Variants in RIPK2 observed in about 807,000 individuals in gnomAD.
The protein encoded by RIPK2 is receptor-interacting serine/threonine-protein kinase 2.
Under a neutral mutation model 60.9 loss-of-function variants are expected in RIPK2, and 38 were observed. The observed-to-expected ratio is 0.62, with a 90% confidence interval of 0.48 to 0.82. The LOEUF (loss-of-function observed/expected upper bound fraction) is 0.82, where lower values mean the gene tolerates loss of function less well. RIPK2 is among the 40% of genes least tolerant of loss of function. RIPK2 has a pLI of 0.00. For synonymous variants in RIPK2, 225 were observed against 223.4 expected (o/e 1.01, Z -0.06); for missense variants, 518 against 647.0 (o/e 0.80, Z 2.16).
intron 8 of RIPK2, among the ~76,000 whole-genome samples, chr8:89,786,262 G>C (rs759417247): frequency 1.3e-5 from 2 of 151,946 alleles, no homozygotes; most frequent in Non-Finnish European, 2.9e-5. Flanking sequence ...TCACTTGATC[G>C]CAGGAGTTTG....
Position 89,790,739 on chromosome 8 carries a change from G to T in RIPK2, c.*323G>T. Reference sequence around the variant, plus strand: ...CCATTTTCACATTCATGTTCTTCATGGATTATTTGTTACTTGTCTAAGATG... The same window carrying T: ...CCATTTTCACATTCATGTTCTTCATTGATTATTTGTTACTTGTCTAAGATG... On this transcript the variant is annotated 3_prime_UTR_variant, in exon 11 of 11. Coordinates refer to ENST00000220751, the MANE Select transcript of RIPK2 (RefSeq NM_003821.6). The T allele has an allele frequency of 4.8e-6, 1 of 210,174 alleles. No individual in the cohort carries two copies. The highest frequency in any genetic ancestry group is 1.2e-4 in the East Asian group (1 of 8,316). 13.0% of individuals were successfully genotyped at this position (210,174 alleles called of 1,614,324 possible).
intron 8 of RIPK2, among the ~76,000 whole-genome samples, 183 bp downstream of exon 8, chr8:89,784,322 T>G (rs1809551274): frequency 6.6e-6 from 1 of 152,184 alleles, no homozygotes; most frequent in African/African-American, 2.4e-5. Flanking sequence ...TGATTCTCAG[T>G]TCATTGTTCA....
chr8:89,760,834 G>A (rs957918016), intron 1 of RIPK2, among the ~76,000 whole-genome samples: 1 of 152,108 alleles, frequency 6.6e-6, no homozygotes, highest in African/African-American at 2.4e-5. Flanking sequence ...GAAAGAGTGT[G>A]TGAAGTGTCA....
Position 89,769,925 on chromosome 8 carries a change from T to C in RIPK2, c.637T>C (p.Tyr213His). Residue 213 changes from tyrosine (Y) to histidine (H), a missense_variant, in exon 4 of 11, where the codon TAT becomes CAT. Transcript: ENST00000220751. ...AAGGGCCAGTATCAAGCACGATATA[T>C]ATAGGTAGAGTAAAGTTGCTTCTGC... ...KSRASIKHDI[Y>H]SYAVITWEVL... The C allele has an allele frequency of 2.5e-6, 4 of 1,583,468 alleles. No individual in the cohort carries two copies. The highest frequency in any genetic ancestry group is 3.4e-6 in the Non-Finnish European group (4 of 1,168,120).
chr8:89,784,702 A>T (rs908001630), intron 8 of RIPK2, among the ~76,000 whole-genome samples: 3 of 152,240 alleles, frequency 2.0e-5, no homozygotes, highest in Admixed American at 2.0e-4. Context: ...ACATGATGCC[A>T]CAAGTGGAAA....
At chr8:89,787,459 C>G (rs1425155850) in intron 9 of RIPK2, among the ~76,000 whole-genome samples, 3 of 149,314 alleles carry the variant, frequency 2.0e-5, no homozygotes, top group East Asian at 2.2e-4. Context: ...TCATGTCACT[C>G]TACTCTACCA....
In RIPK2 at chr8:89,757,926, A is replaced by C; in HGVS notation, c.-135A>C. ...CGGGGAATGGGCGCCCTCGTGACCT[A>C]GTGTTGCGGGGCAAAAAGGGTCTTG... On this transcript the variant is annotated 5_prime_UTR_variant, in exon 1 of 11. An upstream open reading frame in the 5' UTR loses its in-frame stop. Coordinates refer to ENST00000220751, the MANE Select transcript of RIPK2 (RefSeq NM_003821.6). The C allele has an allele frequency of 2.9e-6, 4 of 1,400,072 alleles. No individual in the cohort carries two copies. Among genetic ancestry groups the C allele is most frequent in the Non-Finnish European group, 3.7e-6 (4 of 1,080,040 alleles). The allele number at this position is 1,400,072 out of a possible 1,614,324, so 86.7% of individuals were successfully genotyped here.
chr8:89,759,047 C>A (rs1206411142), intron 1 of RIPK2, among the ~76,000 whole-genome samples: 1 of 152,116 alleles, frequency 6.6e-6, no homozygotes, highest in Non-Finnish European at 1.5e-5. Flanking sequence ...ATATCAAACT[C>A]AATACTAGCA....
intron 3 of RIPK2, 64 bp from the exon 4 acceptor site, chr8:89,769,708 G>A: frequency 8.7e-7 from 1 of 1,151,828 alleles, no homozygotes; most frequent in Non-Finnish European, 1.2e-6. Context: ...TATACAAAAA[G>A]ATAGTTGACT....
chr8:89,782,902 G>A (rs1809523626), intron 7 of RIPK2, among the ~76,000 whole-genome samples: 1 of 152,086 alleles, frequency 6.6e-6, no homozygotes, highest in Non-Finnish European at 1.5e-5. Flanking sequence ...ACTAATTCAA[G>A]GATATTGCAT....
At chr8:89,788,397 C>G (rs1809621681) in intron 9 of RIPK2, among the ~76,000 whole-genome samples, 1 of 151,684 alleles carries the variant, frequency 6.6e-6, no homozygotes, top group Non-Finnish European at 1.5e-5. Flanking sequence ...GATAATTATA[C>G]TTTTAATGTT....
At chr8:89,776,701 A>C (rs963919166) in intron 6 of RIPK2, among the ~76,000 whole-genome samples, 1 of 152,200 alleles carries the variant, frequency 6.6e-6, no homozygotes, top group Non-Finnish European at 1.5e-5. Flanking sequence ...ATCTATGAGA[A>C]CAGAATAGTA....
Position 89,758,056 on chromosome 8 carries a change from G to A in RIPK2, c.-5G>A, listed in dbSNP as rs758767031. 7.5e-6 allele frequency: 12 copies of A among 1,590,072 alleles called. No individual in the cohort carries two copies. The Admixed American group carries it at 1.2e-4, about 16-fold the overall frequency. On this transcript the variant is annotated 5_prime_UTR_variant, in exon 1 of 11. Transcript: ENST00000220751. ...CACCCGGAACCGGCCTGAGCGCCCG[G>A]GACCATGAACGGGGAGGCCATCTGC...
At chr8:89,783,817 A>T (rs1374202188) in intron 7 of RIPK2, among the ~76,000 whole-genome samples, 1 of 152,186 alleles carries the variant, frequency 6.6e-6, no homozygotes, top group Non-Finnish European at 1.5e-5. Context: ...GCTCTGAGAC[A>T]CTGAGAGAAG....
intron 1 of RIPK2, among the ~76,000 whole-genome samples, chr8:89,760,518 T>G (rs1809127300): frequency 6.6e-6 from 1 of 152,202 alleles, no homozygotes; most frequent in Non-Finnish European, 1.5e-5. Flanking sequence ...AATTTCCCAC[T>G]CACTCAATCT....
intron 3 of RIPK2, among the ~76,000 whole-genome samples, chr8:89,768,111 C>T (rs898077577): frequency 1.3e-5 from 2 of 151,614 alleles, no homozygotes; most frequent in East Asian, 1.9e-4. Context: ...CAGGGGTAGT[C>T]ATATCACATA....
At chr8:89,774,747 T>C (rs1809370104) in intron 6 of RIPK2, among the ~76,000 whole-genome samples, 1 of 152,132 alleles carries the variant, frequency 6.6e-6, no homozygotes, top group Non-Finnish European at 1.5e-5. Context: ...GACTGGTTCA[T>C]CTAAGAAGGG....
At chr8:89,759,251 C>T (rs537577336) in intron 1 of RIPK2, 2 of 455,024 alleles carry the variant, frequency 4.4e-6, no homozygotes, top group South Asian at 3.1e-5. Context: ...AACATTACAA[C>T]CGCGTGCCAT....
intron 9 of RIPK2, among the ~76,000 whole-genome samples, chr8:89,788,017 T>A (rs974776314): frequency 2.6e-5 from 4 of 152,084 alleles, no homozygotes; most frequent in Non-Finnish European, 5.9e-5. Flanking sequence ...GCCTGGGGAC[T>A]GGGAGAACAT....
Sources: allele counts gnomAD v4.1 joint callset (sites outside exome capture counted in the v4.1 genomes callset), GRCh38; gene constraint gnomAD v4.1.1; transcripts MANE v1.5; gene names NCBI Gene and HGNC (gene_info 2026-07-23, HGNC 2026-07-21).